Variants in CCBE1 observed in about 807,000 individuals in gnomAD.
The protein encoded by CCBE1 is collagen and calcium binding EGF domains 1.
CCBE1 carries 37 observed loss-of-function variants against 50.0 expected under a neutral mutation model. That is an observed-to-expected ratio of 0.74 (90% CI 0.57 to 0.97). The LOEUF is 0.97. Ranked by LOEUF, CCBE1 falls within the 50% of genes least tolerant of loss-of-function variation. The pLI, the probability that CCBE1 is intolerant of heterozygous loss-of-function variation, is 0.00. For missense variants in CCBE1, 538 were observed against 523.8 expected, an observed-to-expected ratio of 1.03 and a Z score of -0.26; for synonymous variants, 234 against 203.7, an observed-to-expected ratio of 1.15 and a Z score of -1.27.
At chr18:59,645,924 G>C (rs1402798001) in intron 2 of CCBE1, among the ~76,000 whole-genome samples, 1 of 152,232 alleles carries the variant, frequency 6.6e-6, no homozygotes, top group East Asian at 1.9e-4. Flanking sequence ...CCAGTGACTT[G>C]GGAGGCTGAG....
intron 2 of CCBE1, among the ~76,000 whole-genome samples, chr18:59,689,346 T>C (rs973177510): frequency 2.0e-5 from 3 of 152,252 alleles, no homozygotes; most frequent in Admixed American, 2.0e-4. Flanking sequence ...AGAACGGATG[T>C]GGTCCCAGTT....
At chr18:59,460,407 A>G (rs1911405091) in intron 5 of CCBE1, among the ~76,000 whole-genome samples, 1 of 152,266 alleles carries the variant, frequency 6.6e-6, no homozygotes. Context: ...CTCTCAATTC[A>G]TAACAAAATG....
At chr18:59,543,432 T>C (rs1286955284) in intron 2 of CCBE1, among the ~76,000 whole-genome samples, 1 of 151,858 alleles carries the variant, frequency 6.6e-6, no homozygotes, top group Admixed American at 6.6e-5. Context: ...TTAAAAAGAG[T>C]CTGATTATGT....
chr18:59,498,049 C>T (rs1442552497), intron 2 of CCBE1, among the ~76,000 whole-genome samples: 1 of 152,194 alleles, frequency 6.6e-6, no homozygotes, highest in Non-Finnish European at 1.5e-5. Flanking sequence ...TGGTGATTCT[C>T]CCGAGAGGAG....
chr18:59,577,023 G>A lies in CCBE1; in HGVS notation c.213-96785C>T, dbSNP rs58760152. On this transcript the variant is annotated intron_variant, in intron 2 of 10. Transcript: ENST00000439986. ...ATGGTACTAAGCTAAAGGCCAGCTG[G>A]CTGGCACATAAAAGAAATCCAATAC... Among the ~76,000 whole-genome samples the A allele has an allele frequency of 8.0e-3, 1,225 of 152,312 alleles. 24 individuals are homozygous for A. The highest frequency in any genetic ancestry group is 0.028 in the African/African-American group (1,151 of 41,570).
intron 3 of CCBE1, 130 bp downstream of exon 3, chr18:59,480,056 A>C: frequency 2.9e-6 from 2 of 695,372 alleles, no homozygotes; most frequent in Middle Eastern, 4.0e-4. Context: ...GATGCCAAAA[A>C]ATATACACAG....
At chr18:59,629,171 C>G (rs1370484025) in intron 2 of CCBE1, among the ~76,000 whole-genome samples, 1 of 152,178 alleles carries the variant, frequency 6.6e-6, no homozygotes, top group Non-Finnish European at 1.5e-5. Context: ...CTCATCTACT[C>G]ATGATACTCA....
At chr18:59,479,308 T>A (rs1025488345) in intron 3 of CCBE1, among the ~76,000 whole-genome samples, 3 of 152,226 alleles carry the variant, frequency 2.0e-5, no homozygotes, top group African/African-American at 7.2e-5. Flanking sequence ...TCCTGGGCAG[T>A]CTTCCTTGAT....
chr18:59,639,792 T>C (rs2053961455), intron 2 of CCBE1, among the ~76,000 whole-genome samples: 1 of 152,150 alleles, frequency 6.6e-6, no homozygotes, highest in Non-Finnish European at 1.5e-5. Context: ...CAGCAAAGTT[T>C]CAGGATAGAA....
intron 2 of CCBE1, among the ~76,000 whole-genome samples, chr18:59,520,867 A>C (rs891719593): frequency 6.6e-6 from 1 of 152,218 alleles, no homozygotes; most frequent in Non-Finnish European, 1.5e-5. Context: ...AATTAACCCA[A>C]TTTGGCACAA....
At chr18:59,448,227 T>C in intron 6 of CCBE1, 124 bp from the exon 7 acceptor site, 5 of 1,370,762 alleles carry the variant, frequency 3.6e-6, no homozygotes, top group Middle Eastern at 1.9e-4. Flanking sequence ...TTACTAGAGC[T>C]AGTTAGAGCT....
intron 5 of CCBE1, chr18:59,464,774 G>T (rs974652773): frequency 6.6e-6 from 1 of 152,282 alleles, no homozygotes; most frequent in African/African-American, 2.4e-5. Flanking sequence ...CTCAGCTGAT[G>T]GCTGCTGCCT....
chr18:59,441,000 T>C (rs1463759370), intron 7 of CCBE1, among the ~76,000 whole-genome samples: 1 of 152,134 alleles, frequency 6.6e-6, no homozygotes. Flanking sequence ...CATCCTTCCA[T>C]TGGAGGAATT....
intron 2 of CCBE1, among the ~76,000 whole-genome samples, chr18:59,650,534 A>G (rs1161811017): frequency 6.6e-6 from 1 of 151,782 alleles, no homozygotes; most frequent in South Asian, 2.1e-4. Context: ...GTTTCAGAGA[A>G]GACCTCAGCA....
intron 2 of CCBE1, among the ~76,000 whole-genome samples, chr18:59,621,640 C>G (rs2053711721): frequency 6.6e-6 from 1 of 152,182 alleles, no homozygotes; most frequent in Admixed American, 6.5e-5. Context: ...CACAAAGGCT[C>G]AGAGATGTCA....
intron 2 of CCBE1, among the ~76,000 whole-genome samples, chr18:59,665,610 T>C (rs1223226846): frequency 1.3e-5 from 2 of 152,198 alleles, no homozygotes; most frequent in South Asian, 2.1e-4. Context: ...CTTCACTGCA[T>C]GTGGACAAGA....
At chr18:59,462,190 A>G (rs1267510152) in intron 5 of CCBE1, among the ~76,000 whole-genome samples, 1 of 152,170 alleles carries the variant, frequency 6.6e-6, no homozygotes, top group Non-Finnish European at 1.5e-5. Context: ...ACTTCCATTC[A>G]TCAGATGCCA....
intron 2 of CCBE1, among the ~76,000 whole-genome samples, chr18:59,658,399 AT>A (rs2054232657): frequency 3.6e-5 from 2 of 54,894 alleles, no homozygotes; most frequent in African/African-American, 6.9e-5. Context: ...ATATATATAT[AT>A]ATATATATAT....
intron 2 of CCBE1, among the ~76,000 whole-genome samples, chr18:59,664,203 A>G (rs2054322363): frequency 6.6e-6 from 1 of 152,106 alleles, no homozygotes; most frequent in Non-Finnish European, 1.5e-5. Flanking sequence ...CACAAATCCC[A>G]TTCATTAGGG....
Sources: gnomAD v4.1 joint callset for allele counts (sites outside exome capture counted in the v4.1 genomes callset) on GRCh38, gnomAD v4.1.1 for gene constraint, MANE v1.5 for transcripts, NCBI Gene and HGNC (gene_info 2026-07-23, HGNC 2026-07-21) for gene names.